The following INPP5K variants were observed in gnomAD, a reference collection of about 807,000 sequenced individuals.
INPP5K encodes inositol polyphosphate-5-phosphatase K, also known as inositol polyphosphate 5-phosphatase K.
INPP5K carries 35 observed loss-of-function variants against 53.5 expected under a neutral mutation model. The ratio of observed to expected loss-of-function variants is 0.65; its 90% CI spans 0.50 to 0.87. The LOEUF is 0.87. Ranked by LOEUF, INPP5K falls within the 40% of genes least tolerant of loss-of-function variation. The pLI is 0.00. For synonymous variants in INPP5K, 253 were observed against 232.8 expected (o/e 1.09, Z -0.79); for missense variants, 550 against 586.2 (o/e 0.94, Z 0.64).
chr17:1,516,457 T>G lies in INPP5K; in HGVS notation c.43A>C (p.Ser15Arg). 6.3e-7 allele frequency: 1 copy of G among 1,591,452 alleles called. No individual in the cohort carries two copies. Among genetic ancestry groups the G allele is most frequent in the Non-Finnish European group, 8.5e-7 (1 of 1,176,808 alleles). Reference protein sequence around the residue: ...KLSGPKGRRLSIHVVTWNVAS... With the variant: ...KLSGPKGRRLRIHVVTWNVAS... ...CCTCTGCCGCCAGGGTGCCCTCACC[T>G]GAGCCTCCTGCCTTTCGGCCCGCTC... The change falls in exon 1 of 12, where the codon AGC (serine) becomes CGC (arginine). Residue 15 changes from serine to arginine, a missense_variant and splice_region_variant. Ser to Arg is a moderately radical substitution (Grantham distance 110, BLOSUM62 -1). Transcript: ENST00000421807.
At chr17:1,515,634 C>A in intron 1 of INPP5K, 1 of 970,318 alleles carries the variant, frequency 1.0e-6, no homozygotes, top group Non-Finnish European at 1.2e-6. Context: ...GCAGTTAATG[C>A]CAAAACATCT....
At chr17:1,506,036 T>G (rs1189985529) in intron 7 of INPP5K, among the ~76,000 whole-genome samples, 1 of 152,026 alleles carries the variant, frequency 6.6e-6, no homozygotes, top group Non-Finnish European at 1.5e-5. Context: ...TTATTATTAT[T>G]TTTTTGAGAC....
intron 7 of INPP5K, among the ~76,000 whole-genome samples, chr17:1,501,135 T>A (rs1056777462): frequency 6.6e-6 from 1 of 151,996 alleles, no homozygotes; most frequent in South Asian, 2.1e-4. Context: ...AATTTTTGTA[T>A]TTTTAGTAGA....
At position 1,496,418 on chromosome 17, in the gene INPP5K, A is replaced by T. The variant is rs1277513599; in HGVS notation, c.1102-16T>A. 6.4e-7 allele frequency: 1 copy of T among 1,551,734 alleles called. No individual in the cohort carries two copies. Among genetic ancestry groups the T allele is most frequent in the South Asian group, 1.2e-5 (1 of 84,430 alleles). ...GCAGCCCCACCTGTGAGGGGGAGTC[A>T]GGCCATCAGTGGTCAGGGAGGACAT... On this transcript the variant is annotated splice_polypyrimidine_tract_variant and intron_variant, in intron 9 of 11. Coordinates refer to ENST00000421807, the MANE Select transcript of INPP5K (RefSeq NM_016532.4).
chr17:1,504,582 C>A (rs7208369), intron 7 of INPP5K, among the ~76,000 whole-genome samples: 2 of 152,204 alleles, frequency 1.3e-5, no homozygotes, highest in South Asian at 4.1e-4. Flanking sequence ...TCTACAGACA[C>A]AGATATGAGT....
chr17:1,497,141 T>TG lies in INPP5K; in HGVS notation c.964-339dup, dbSNP rs564554740. Among the ~76,000 whole-genome samples, 378 of 152,202 alleles carry TG rather than the reference T, an allele frequency of 2.5e-3. 2 individuals carry two copies. Among genetic ancestry groups the TG allele is most frequent in the Non-Finnish European group, 4.8e-3 (324 of 67,966 alleles). On this transcript the variant is annotated intron_variant, in intron 8 of 11. Coordinates refer to ENST00000421807, the MANE Select transcript of INPP5K (RefSeq NM_016532.4). ...GCCTTATCTGACCCAAAGCCCCACA[T>TG]GGGGGGATGCTCTGGTGAGAACAGC...
intron 7 of INPP5K, among the ~76,000 whole-genome samples, chr17:1,506,272 C>T (rs2075152514): frequency 6.6e-6 from 1 of 152,134 alleles, no homozygotes; most frequent in Non-Finnish European, 1.5e-5. Flanking sequence ...GATCCACCTG[C>T]CTCGGCCCTC....
Position 1,508,274 on chromosome 17 carries a change from G to A in INPP5K, c.555-48C>T, listed in dbSNP as rs776840958. On this transcript the variant is annotated intron_variant, in intron 5 of 11. Transcript: ENST00000421807. ...CCTGAGGATTTGTGATGAAGTCGGGGAAGGGAGATCACCAGGTGGCTCAGC... is the reference window on the plus strand; with the variant it reads ...CCTGAGGATTTGTGATGAAGTCGGGAAAGGGAGATCACCAGGTGGCTCAGC... The A allele has an allele frequency of 4.8e-6, 7 of 1,453,980 alleles. No homozygotes were observed. The Admixed American group carries it at 5.0e-5, about 10-fold the overall frequency. The allele number at this position is 1,453,980 out of a possible 1,614,324, so 90.1% of individuals were successfully genotyped here.
At position 1,495,853 on chromosome 17, in the gene INPP5K, G is replaced by T; in HGVS notation, c.1317C>A (p.Asp439Glu). 2 of 1,613,340 alleles carry T rather than the reference G, an allele frequency of 1.2e-6. No homozygotes were observed. The highest frequency in any genetic ancestry group is 1.7e-6 in the Non-Finnish European group (2 of 1,179,410). ...TCTGTGGCTGTGCTTCACCCAGTGG[G>T]TCCTCCCTCAAGGAGCCAGGCGGGA... Reference protein sequence around the residue: ...FQIPPGSLREDPLGEAQPQI With the variant: ...FQIPPGSLREEPLGEAQPQI Residue 439 changes from aspartate (D) to glutamate (E), a missense_variant, in exon 12 of 12, where the codon GAC becomes GAA. By Grantham distance (45) the Asp-to-Glu change is conservative. Transcript: ENST00000421807.
chr17:1,498,465 T>G (rs2074920566), intron 7 of INPP5K, among the ~76,000 whole-genome samples: 2 of 152,200 alleles, frequency 1.3e-5, no homozygotes, highest in African/African-American at 4.8e-5. Flanking sequence ...TTTGAGATTC[T>G]GAGGCTGGAC....
intron 7 of INPP5K, among the ~76,000 whole-genome samples, chr17:1,503,457 T>A (rs955435585): frequency 7.9e-5 from 12 of 152,112 alleles, no homozygotes; most frequent in African/African-American, 2.4e-4. Context: ...TGCTGGGATT[T>A]CAGGCGTGAG....
At chr17:1,496,504 G>A (rs2074845795) in intron 9 of INPP5K, 102 bp from the exon 10 acceptor site, 1 of 1,318,266 alleles carries the variant, frequency 7.6e-7, no homozygotes, top group Non-Finnish European at 1.1e-6. Flanking sequence ...CTACCGTACT[G>A]TGTGCCTCCC....
chr17:1,503,848 C>G (rs1024393774), intron 7 of INPP5K, among the ~76,000 whole-genome samples: 1 of 152,180 alleles, frequency 6.6e-6, no homozygotes, highest in South Asian at 2.1e-4. Context: ...GAGCTGGCCT[C>G]GTTTCTCATT....
chr17:1,514,809 T>C (rs2075395297), intron 1 of INPP5K, among the ~76,000 whole-genome samples: 1 of 151,974 alleles, frequency 6.6e-6, no homozygotes, highest in Non-Finnish European at 1.5e-5. Flanking sequence ...CAGAGGAATT[T>C]AAAAAATAAA....
intron 6 of INPP5K, 126 bp from the exon 7 acceptor site, chr17:1,507,215 T>G: frequency 3.1e-6 from 2 of 649,132 alleles, no homozygotes; most frequent in Non-Finnish European, 5.5e-6. Flanking sequence ...GCCACTCCAA[T>G]TCCTCACTGC....
chr17:1,512,703 C>T (rs887556329), intron 3 of INPP5K, among the ~76,000 whole-genome samples: 1 of 152,134 alleles, frequency 6.6e-6, no homozygotes, highest in African/African-American at 2.4e-5. Context: ...TGTCTAAAGA[C>T]ACCCCAGAGT....
At chr17:1,506,099 C>T (rs1355882327) in intron 7 of INPP5K, among the ~76,000 whole-genome samples, 4 of 152,056 alleles carry the variant, frequency 2.6e-5, no homozygotes, top group Admixed American at 6.5e-5. Flanking sequence ...TCTCGGCTCA[C>T]GGCAACCTCT....
chr17:1,508,031 G>A, intron 6 of INPP5K, 84 bp downstream of exon 6: 1 of 973,290 alleles, frequency 1.0e-6, no homozygotes, highest in Admixed American at 1.9e-5. Flanking sequence ...CAGCAGCGAG[G>A]GCATCTAGCA....
Position 1,513,950 on chromosome 17 carries a change from G to A in INPP5K, c.74C>T (p.Ser25Leu), listed in dbSNP as rs138037030. The change falls in exon 2 of 12, where the codon TCG (serine) becomes TTG (leucine). Residue 25 changes from serine (S) to leucine (L), a missense_variant. Physicochemically the swap from Ser to Leu is moderately radical, Grantham distance 145. Transcript: ENST00000421807. ...ACTGAGATCTAGAGGGGGCGCTGCC[G>A]AAGCCACGTTCCAAGTCACGACGTG... ...SIHVVTWNVA[S>L]AAPPLDLSDL... 4 of 1,612,532 alleles carry A rather than the reference G, an allele frequency of 2.5e-6. No homozygotes were observed. The highest frequency in any genetic ancestry group is 2.5e-6 in the Non-Finnish European group (3 of 1,179,020).
Sources: allele counts gnomAD v4.1 joint callset (sites outside exome capture counted in the v4.1 genomes callset), GRCh38; gene constraint gnomAD v4.1.1; transcripts MANE v1.5; gene names NCBI Gene and HGNC (gene_info 2026-07-23, HGNC 2026-07-21).